PTPRN2: variants seen among roughly 807,000 people sequenced by gnomAD.
The protein encoded by PTPRN2 is receptor-type tyrosine-protein phosphatase N2.
Under a neutral mutation model 118.8 loss-of-function variants are expected in PTPRN2, and 74 were observed. That is an observed-to-expected ratio of 0.62 (90% confidence interval 0.52 to 0.76). The LOEUF is 0.76. PTPRN2 is among the 30% of genes least tolerant of loss of function. The pLI, the probability that PTPRN2 is intolerant of heterozygous loss-of-function variation, is 0.00. For synonymous variants in PTPRN2, 641 were observed against 608.0 expected, an observed-to-expected ratio of 1.05 and a Z score of -0.80; for missense variants, 1,481 against 1,394.4, an observed-to-expected ratio of 1.06 and a Z score of -0.99.
At chr7:157,544,008 G>A (rs1275774886) in intron 22 of PTPRN2, among the ~76,000 whole-genome samples, 1 of 151,740 alleles carries the variant, frequency 6.6e-6, no homozygotes, top group Admixed American at 6.6e-5. Flanking sequence ...GATGGAGAGC[G>A]GTGGAGAGAG....
At chr7:157,700,825 C>T (rs1265534936) in intron 12 of PTPRN2, among the ~76,000 whole-genome samples, 1 of 152,222 alleles carries the variant, frequency 6.6e-6, no homozygotes, top group African/African-American at 2.4e-5. Context: ...GGCACCCTCA[C>T]CCTCTCCTGC....
chr7:157,684,707 C>A (rs1797087854), intron 12 of PTPRN2, among the ~76,000 whole-genome samples: 1 of 151,670 alleles, frequency 6.6e-6, no homozygotes, highest in African/African-American at 2.4e-5. Flanking sequence ...GGGTCTCCTG[C>A]GCGCCCCTCC....
chr7:157,734,107 CCAT>C, intron 12 of PTPRN2, among the ~76,000 whole-genome samples: 1 of 112,586 alleles, frequency 8.9e-6, no homozygotes, highest in Non-Finnish European at 1.8e-5. Context: ...CTTTCCCGTC[CCAT>C]GCGCCCAGCA....
intron 10 of PTPRN2, among the ~76,000 whole-genome samples, chr7:158,084,505 G>A (rs1813100851): frequency 6.6e-6 from 1 of 152,046 alleles, no homozygotes; most frequent in African/African-American, 2.4e-5. Context: ...ATCAAAAGGG[G>A]AATTTCTGTA....
At chr7:158,421,620 T>C (rs2129423063) in intron 2 of PTPRN2, among the ~76,000 whole-genome samples, 1 of 152,320 alleles carries the variant, frequency 6.6e-6, no homozygotes, top group East Asian at 1.9e-4. Context: ...TAATGTACTC[T>C]TTGCTCAAAA....
intron 6 of PTPRN2, among the ~76,000 whole-genome samples, chr7:158,164,684 G>A (rs1274869762): frequency 6.6e-6 from 1 of 152,182 alleles, no homozygotes; most frequent in Non-Finnish European, 1.5e-5. Flanking sequence ...CCAATAATGA[G>A]GACAGAGGTG....
intron 2 of PTPRN2, among the ~76,000 whole-genome samples, chr7:158,463,247 C>T (rs1486369277): frequency 6.6e-6 from 1 of 152,156 alleles, no homozygotes; most frequent in East Asian, 1.9e-4. Context: ...GCCCATCATC[C>T]CCTAACTCCA....
chr7:157,782,567 A>T (rs994759520), intron 12 of PTPRN2, among the ~76,000 whole-genome samples: 3 of 152,258 alleles, frequency 2.0e-5, no homozygotes, highest in Non-Finnish European at 4.4e-5. Flanking sequence ...TAACAGAAAC[A>T]GCAGAAATAA....
intron 11 of PTPRN2, among the ~76,000 whole-genome samples, chr7:157,994,223 C>T (rs911370438): frequency 6.6e-6 from 1 of 152,174 alleles, no homozygotes; most frequent in African/African-American, 2.4e-5. Context: ...AGGTGACTCG[C>T]TCTGAGCCAC....
intron 1 of PTPRN2, among the ~76,000 whole-genome samples, chr7:158,524,813 G>A (rs980698682): frequency 1.3e-5 from 2 of 152,300 alleles, no homozygotes; most frequent in East Asian, 3.9e-4. Context: ...TACACAAAAA[G>A]TCAGCTTCTG....
rs1045195174 is a variant in PTPRN2 at position 157,874,159 on chromosome 7, C to T, written c.1788+24514G>A. Among the ~76,000 whole-genome samples, 9 of 152,160 alleles carry T rather than the reference C, an allele frequency of 5.9e-5. No homozygotes were observed. The highest frequency in any genetic ancestry group is 3.9e-4 in the Admixed American group (6 of 15,276). On this transcript the variant is annotated intron_variant, in intron 12 of 22. Coordinates refer to ENST00000389418, the MANE Select transcript of PTPRN2 (RefSeq NM_002847.5). This position sits in a 1 kb window ranked among gnomAD's most constrained non-coding sequence, Gnocchi z 5.8. ...TCTGCCTAGCTCCAGCCTTGTCCTGCGGAAGGTGCTGAAGCGGCCCTCAGT... is the reference window on the plus strand; with the variant it reads ...TCTGCCTAGCTCCAGCCTTGTCCTGTGGAAGGTGCTGAAGCGGCCCTCAGT...
At chr7:158,379,308 C>T (rs988791979) in intron 2 of PTPRN2, among the ~76,000 whole-genome samples, 1 of 152,098 alleles carries the variant, frequency 6.6e-6, no homozygotes, top group Non-Finnish European at 1.5e-5. Context: ...GTGCAACACG[C>T]CTCTGCAGCA....
At chr7:158,084,492 A>G (rs1369551937) in intron 10 of PTPRN2, among the ~76,000 whole-genome samples, 1 of 152,146 alleles carries the variant, frequency 6.6e-6, no homozygotes, top group Non-Finnish European at 1.5e-5. Flanking sequence ...GCATATTGCC[A>G]GCATCAAAAG....
chr7:157,601,944 G>A (rs192618928), intron 16 of PTPRN2, among the ~76,000 whole-genome samples: 7 of 152,338 alleles, frequency 4.6e-5, no homozygotes, highest in East Asian at 1.9e-4. Context: ...ATCCAGGCGC[G>A]CACACCTGGC....
intron 11 of PTPRN2, among the ~76,000 whole-genome samples, chr7:157,957,308 T>C (rs1008031432): frequency 1.3e-5 from 2 of 152,310 alleles, no homozygotes; most frequent in East Asian, 1.9e-4. Flanking sequence ...AGGAGACACG[T>C]ATTTTTGGCA....
chr7:157,572,930 T>C (rs1799832571), intron 19 of PTPRN2, among the ~76,000 whole-genome samples: 1 of 152,222 alleles, frequency 6.6e-6, no homozygotes, highest in African/African-American at 2.4e-5. Context: ...CACACAGTGG[T>C]GCGAAGGCTT....
intron 11 of PTPRN2, among the ~76,000 whole-genome samples, chr7:158,035,731 A>G (rs1013062812): frequency 1.3e-5 from 2 of 152,232 alleles, no homozygotes; most frequent in Non-Finnish European, 2.9e-5. Flanking sequence ...AATATAATAA[A>G]ATACTCATAT....
At chr7:158,112,327 G>C (rs1026471912) in intron 9 of PTPRN2, among the ~76,000 whole-genome samples, 1 of 152,214 alleles carries the variant, frequency 6.6e-6, no homozygotes, top group Non-Finnish European at 1.5e-5. Flanking sequence ...CGTTTGAACA[G>C]AGGTGAAGGA....
intron 3 of PTPRN2, among the ~76,000 whole-genome samples, chr7:158,309,633 G>A (rs910155956): frequency 2.0e-5 from 3 of 151,896 alleles, no homozygotes; most frequent in Non-Finnish European, 4.4e-5. Context: ...TTATAAATAC[G>A]GACATAAAAA....
Sources: allele counts gnomAD v4.1 joint callset (sites outside exome capture counted in the v4.1 genomes callset), GRCh38; gene constraint gnomAD v4.1.1; non-coding constraint Gnocchi (gnomAD v3.1); transcripts MANE v1.5; gene names NCBI Gene and HGNC (gene_info 2026-07-23, HGNC 2026-07-21).